The following SSBP2 variants were observed in gnomAD, a reference collection of about 807,000 sequenced individuals.
SSBP2 encodes the protein single stranded DNA binding protein 2.
Under a neutral mutation model 61.8 loss-of-function variants are expected in SSBP2, and 17 were observed. That is an observed-to-expected ratio of 0.28 (90% confidence interval 0.19 to 0.41). The LOEUF (loss-of-function observed/expected upper bound fraction) is 0.41. SSBP2 is among the 10% of genes least tolerant of loss of function. The probability of loss-of-function intolerance (pLI) is 1.00; values close to 1 mark genes in which losing one functional copy is unlikely to be tolerated. For missense variants in SSBP2, 310 were observed against 458.7 expected (o/e 0.68, Z 2.96); for synonymous variants, 139 against 141.3 (o/e 0.98, Z 0.12).
chr5:81,525,208 G>A (rs192304694), intron 4 of SSBP2, among the ~76,000 whole-genome samples: 57 of 152,030 alleles, frequency 3.7e-4, no homozygotes, highest in East Asian at 1.7e-3. Flanking sequence ...AGGTTCAGGG[G>A]TACATGTCCA....
chr5:81,610,227 G>A (rs995255191), intron 4 of SSBP2, among the ~76,000 whole-genome samples: 4 of 152,160 alleles, frequency 2.6e-5, no homozygotes, highest in Non-Finnish European at 5.9e-5. Flanking sequence ...TCACCAGCCA[G>A]AGGTCCCCAG....
At position 81,741,426 on chromosome 5, in the gene SSBP2, A is replaced by C. The variant is rs1353917470; in HGVS notation, c.62+9555T>G. On this transcript the variant is annotated intron_variant, in intron 1 of 16. Coordinates refer to ENST00000320672, the MANE Select transcript of SSBP2 (RefSeq NM_012446.5). ...TGGAGAACGGTGATGGCTATACCAT[A>C]ATGTGAACGTACTTAATGCCACTGA... Among the ~76,000 whole-genome samples, 4 of 152,328 alleles carry C rather than the reference A, an allele frequency of 2.6e-5. No homozygotes were observed. The East Asian group carries it at 7.7e-4, about 29-fold the overall frequency.
intron 4 of SSBP2, among the ~76,000 whole-genome samples, chr5:81,550,969 G>A (rs1473151433): frequency 6.6e-6 from 1 of 151,710 alleles, no homozygotes; most frequent in Admixed American, 6.6e-5. Context: ...GGTGGCAGGC[G>A]CCTGTAGTCC....
At chr5:81,532,915 A>G (rs950372603) in intron 4 of SSBP2, among the ~76,000 whole-genome samples, 4 of 152,010 alleles carry the variant, frequency 2.6e-5, no homozygotes, top group African/African-American at 9.7e-5. Context: ...ACTTGAAAAA[A>G]GAAATAGACA....
intron 1 of SSBP2, among the ~76,000 whole-genome samples, chr5:81,656,537 G>A (rs434078): frequency 0.22 from 33,188 of 151,912 alleles, 4,709 homozygotes; most frequent in Middle Eastern, 0.35. Flanking sequence ...GTTCTTTAGC[G>A]GTGATTTGTG....
At chr5:81,529,511 G>A (rs1379145895) in intron 4 of SSBP2, among the ~76,000 whole-genome samples, 1 of 152,126 alleles carries the variant, frequency 6.6e-6, no homozygotes, top group Non-Finnish European at 1.5e-5. Context: ...TATTACCTGG[G>A]AGACTAGTGC....
At chr5:81,547,036 C>CAAAA (rs61254614) in intron 4 of SSBP2, among the ~76,000 whole-genome samples, 1,524 of 53,762 alleles carry the variant, frequency 0.028, 145 homozygotes, top group African/African-American at 0.11. Context: ...AAATCTTGGC[C>CAAAA]AAAAAAAAAA....
chr5:81,711,990 C>G (rs184165614), intron 1 of SSBP2, among the ~76,000 whole-genome samples: 2 of 151,846 alleles, frequency 1.3e-5, no homozygotes, highest in Admixed American at 6.6e-5. Flanking sequence ...GCTATTTAAG[C>G]TATTTTTATT....
intron 4 of SSBP2, among the ~76,000 whole-genome samples, chr5:81,593,921 A>C (rs1380905805): frequency 6.6e-6 from 1 of 152,262 alleles, no homozygotes; most frequent in Non-Finnish European, 1.5e-5. Context: ...GGCTAGGAAG[A>C]AACTGCATCA....
intron 4 of SSBP2, among the ~76,000 whole-genome samples, chr5:81,520,975 A>G (rs1010544883): frequency 6.6e-6 from 1 of 152,074 alleles, no homozygotes; most frequent in Admixed American, 6.6e-5. Context: ...TAATATTGCA[A>G]GCTCAGCTTT....
At chr5:81,541,952 G>A (rs1771305547) in intron 4 of SSBP2, among the ~76,000 whole-genome samples, 1 of 152,162 alleles carries the variant, frequency 6.6e-6, no homozygotes, top group African/African-American at 2.4e-5. Context: ...GGTCTGCAAA[G>A]CAAAGAAACT....
chr5:81,498,353 T>A (rs1336668304), intron 5 of SSBP2, among the ~76,000 whole-genome samples: 1 of 152,108 alleles, frequency 6.6e-6, no homozygotes, highest in Non-Finnish European at 1.5e-5. Context: ...ATATACCAAA[T>A]CTATCTCACT....
chr5:81,652,421 G>A, intron 1 of SSBP2, among the ~76,000 whole-genome samples: 1 of 152,226 alleles, frequency 6.6e-6, no homozygotes, highest in East Asian at 1.9e-4. Context: ...TCTAAAAAAT[G>A]TATTGGAAGG....
At chr5:81,708,578 T>A (rs1033400340) in intron 1 of SSBP2, among the ~76,000 whole-genome samples, 5 of 152,124 alleles carry the variant, frequency 3.3e-5, no homozygotes, top group African/African-American at 4.8e-5. Flanking sequence ...TTTCTTAAAT[T>A]CACTGCATTT....
At chr5:81,493,611 C>T (rs960027694) in intron 5 of SSBP2, among the ~76,000 whole-genome samples, 1 of 152,070 alleles carries the variant, frequency 6.6e-6, no homozygotes, top group Non-Finnish European at 1.5e-5. Flanking sequence ...AAAAAATTAG[C>T]CAGATGTGGT....
In SSBP2 at chr5:81,467,037, T is replaced by C; in HGVS notation, c.575A>G (p.Tyr192Cys). 6.2e-7 allele frequency: 1 copy of C among 1,610,124 alleles called. No individual in the cohort carries two copies. Among genetic ancestry groups the C allele is most frequent in the Non-Finnish European group, 8.5e-7 (1 of 1,177,348 alleles). The stretch of plus-strand genomic sequence containing the variant: ...CAGTGGGGGTCTCATTGCACCTCCA[T>C]AGTTCTGTAATGATAACCAAGGGTC... Residue 192 changes from tyrosine to cysteine, a missense_variant, in exon 9 of 17, where the codon TAT becomes TGT. Tyr to Cys is a radical substitution (Grantham distance 194, BLOSUM62 -2). Transcript: ENST00000320672.
chr5:81,463,147 T>C (rs983037261), intron 9 of SSBP2, among the ~76,000 whole-genome samples: 1 of 152,124 alleles, frequency 6.6e-6, no homozygotes, highest in Admixed American at 6.6e-5. Context: ...TAATAATTCA[T>C]ATGGATAAGT....
At chr5:81,613,617 T>C (rs1745674781) in intron 4 of SSBP2, among the ~76,000 whole-genome samples, 1 of 152,236 alleles carries the variant, frequency 6.6e-6, no homozygotes, top group Admixed American at 6.5e-5. Flanking sequence ...ATATGATTAA[T>C]TTCTTAAAAT....
At chr5:81,601,714 C>T (rs900175795) in intron 4 of SSBP2, among the ~76,000 whole-genome samples, 4 of 152,246 alleles carry the variant, frequency 2.6e-5, no homozygotes, top group South Asian at 2.1e-4. Context: ...TACTCACCCC[C>T]GTCCCCATAA....
Sources: gnomAD v4.1 joint callset for allele counts (sites outside exome capture counted in the v4.1 genomes callset) on GRCh38, gnomAD v4.1.1 for gene constraint, MANE v1.5 for transcripts, NCBI Gene and HGNC (gene_info 2026-07-23, HGNC 2026-07-21) for gene names.